KIAA2012: variants seen among roughly 807,000 people sequenced by gnomAD.
The protein encoded by KIAA2012 is uncharacterized protein KIAA2012.
KIAA2012 carries 125 observed loss-of-function variants against 150.6 expected under a neutral mutation model. The observed-to-expected ratio is 0.83, with a 90% confidence interval of 0.72 to 0.96. The LOEUF (loss-of-function observed/expected upper bound fraction) is 0.96, where lower values mean the gene tolerates loss of function less well. Among genes scored for constraint, KIAA2012 ranks in the 40% least tolerant of loss-of-function variants. KIAA2012 has a pLI of 0.00. For synonymous variants in KIAA2012, 462 were observed against 504.7 expected, an observed-to-expected ratio of 0.92 and a Z score of 1.13; for missense variants, 1,219 against 1,354.9, an observed-to-expected ratio of 0.90 and a Z score of 1.57.
intron 21 of KIAA2012, among the ~76,000 whole-genome samples, chr2:202,196,047 T>C (rs774914792): frequency 2.0e-5 from 3 of 152,044 alleles, no homozygotes; most frequent in Non-Finnish European, 4.4e-5. Flanking sequence ...ATATACCTAG[T>C]AGTGGGATTG....
intron 15 of KIAA2012, among the ~76,000 whole-genome samples, chr2:202,176,247 A>G (rs942050504): frequency 3.3e-5 from 5 of 151,984 alleles, no homozygotes; most frequent in Non-Finnish European, 7.4e-5. Context: ...TTGCCCAGAA[A>G]GTGCAATGGC....
intron 13 of KIAA2012, among the ~76,000 whole-genome samples, chr2:202,147,200 C>T (rs1691319533): frequency 6.6e-6 from 1 of 152,252 alleles, no homozygotes; most frequent in African/African-American, 2.4e-5. Context: ...ATCCCTCTCT[C>T]TGCCTCCCAA....
intron 15 of KIAA2012, among the ~76,000 whole-genome samples, chr2:202,171,205 G>GCACACACACA (rs10532177): frequency 6.7e-6 from 1 of 149,804 alleles, no homozygotes; most frequent in African/African-American, 2.5e-5. Flanking sequence ...AGACACACAT[G>GCACACACACA]CACACACACA....
chr2:202,141,766 C>T (rs563448884), intron 13 of KIAA2012, among the ~76,000 whole-genome samples: 5 of 152,288 alleles, frequency 3.3e-5, no homozygotes, highest in East Asian at 3.9e-4. Context: ...GCTCTTACCT[C>T]GGTGAGCTGC....
chr2:202,201,350 C>G, intron 22 of KIAA2012: 1 of 1,585,730 alleles, frequency 6.3e-7, no homozygotes, highest in East Asian at 2.2e-5. Flanking sequence ...TATGTGATGT[C>G]TTTCCCGGCA....
intron 14 of KIAA2012, among the ~76,000 whole-genome samples, chr2:202,155,918 C>G (rs1691517038): frequency 6.6e-6 from 1 of 152,144 alleles, no homozygotes; most frequent in Non-Finnish European, 1.5e-5. Context: ...TTCTATTTCC[C>G]AGGTCATTCC....
intron 15 of KIAA2012, among the ~76,000 whole-genome samples, chr2:202,182,107 T>TC (rs1692132392): frequency 2.0e-5 from 3 of 148,642 alleles, no homozygotes; most frequent in Non-Finnish European, 4.5e-5. Flanking sequence ...TTTTCTTTAT[T>TC]CTTTTTTTTT....
chr2:202,163,815 C>G (rs1691707236), intron 14 of KIAA2012, among the ~76,000 whole-genome samples: 1 of 109,378 alleles, frequency 9.1e-6, no homozygotes, highest in Admixed American at 1.2e-4. Flanking sequence ...TTTTCCTGTA[C>G]CAGGCCAAAT....
At chr2:202,091,895 G>A (rs780129164) in intron 3 of KIAA2012, among the ~76,000 whole-genome samples, 13 of 152,190 alleles carry the variant, frequency 8.5e-5, no homozygotes, top group Non-Finnish European at 1.5e-4. Flanking sequence ...CCCAATAAGT[G>A]GTGACTTGAA....
chr2:202,160,394 A>G (rs1050885750), intron 14 of KIAA2012, among the ~76,000 whole-genome samples: 4 of 148,672 alleles, frequency 2.7e-5, no homozygotes, highest in Non-Finnish European at 5.9e-5. Flanking sequence ...GCTCACTGCA[A>G]GCTCCACCTC....
intron 2 of KIAA2012, among the ~76,000 whole-genome samples, chr2:202,080,424 T>C (rs1689422254): frequency 6.6e-6 from 1 of 152,170 alleles, no homozygotes; most frequent in African/African-American, 2.4e-5. Flanking sequence ...CCGGGCACGA[T>C]GGCACACGCC....
Position 202,192,289 on chromosome 2 carries a change from T to C in KIAA2012, c.2812-1012T>C, listed in dbSNP as rs533155502. Among the ~76,000 whole-genome samples, 10 of 152,244 alleles carry C rather than the reference T, an allele frequency of 6.6e-5. No individual in the cohort carries two copies. In the East Asian group the frequency reaches 9.6e-4, roughly 15 times the overall value. On this transcript the variant is annotated intron_variant, in intron 19 of 23. Transcript: ENST00000498697. The stretch of plus-strand genomic sequence containing the variant: ...AGAAGGCTTGCCTCTCAAGGTTCCC[T>C]TCATAGGCATATTTCTGAGGAAGAG...
At chr2:202,187,153 G>A in intron 17 of KIAA2012, 55 bp downstream of exon 17, 1 of 1,529,548 alleles carries the variant, frequency 6.5e-7, no homozygotes, top group Middle Eastern at 1.7e-4. Flanking sequence ...ATCTCATCAA[G>A]GATACCATGC....
chr2:202,122,028 G>A (rs1325617007), intron 11 of KIAA2012, among the ~76,000 whole-genome samples: 1 of 152,180 alleles, frequency 6.6e-6, no homozygotes, highest in Non-Finnish European at 1.5e-5. Flanking sequence ...AAAGAGGAAC[G>A]TAGAGAACAC....
chr2:202,179,220 T>C lies in KIAA2012; in HGVS notation c.2120-5533T>C, dbSNP rs984913788. 1.8e-5 allele frequency: 12 copies of C among 664,188 alleles called. No homozygotes were observed. The African/African-American group carries it at 2.0e-4, about 11-fold the overall frequency. 41.1% of individuals were successfully genotyped at this position (664,188 alleles called of 1,614,324 possible). On this transcript the variant is annotated intron_variant, in intron 15 of 23. Transcript: ENST00000498697. ...ATCTGATTCAAATTGGTACAAATTT[T>C]CTAGGGAACAATTTGGCAGTAGGCA...
chr2:202,103,053 C>A lies in KIAA2012; in HGVS notation c.1263C>A (p.Ile421=). The part of the protein sequence containing the change: ...KANEPPTELF[I]LPVEIHYHTK... ...ATGAGCCCCCAACAGAGCTCTTCAT[C>A]TTACCGGTGGAGATTCATTACCACA... Residue 421 remains isoleucine, a synonymous_variant, in exon 8 of 24, where the codon ATC becomes ATA. Transcript: ENST00000498697. The A allele has an allele frequency of 6.4e-7, 1 of 1,550,596 alleles. No individual in the cohort carries two copies. The highest frequency in any genetic ancestry group is 8.7e-7 in the Non-Finnish European group (1 of 1,146,996).
intron 14 of KIAA2012, among the ~76,000 whole-genome samples, chr2:202,159,119 A>G (rs1691599132): frequency 6.6e-6 from 1 of 152,202 alleles, no homozygotes; most frequent in East Asian, 1.9e-4. Flanking sequence ...CATGCATCCC[A>G]CGAAGCAGAA....
chr2:202,168,764 G>A (rs970330139), intron 15 of KIAA2012, among the ~76,000 whole-genome samples: 3 of 152,174 alleles, frequency 2.0e-5, no homozygotes, highest in African/African-American at 7.2e-5. Flanking sequence ...AAGAGTCTTA[G>A]GAGGAGTGAG....
At chr2:202,190,521 G>A (rs1469548821) in intron 19 of KIAA2012, 28 bp downstream of exon 19, 5 of 1,452,624 alleles carry the variant, frequency 3.4e-6, no homozygotes, top group Non-Finnish European at 4.6e-6. Flanking sequence ...CAGCTTGACA[G>A]AGGAAGTTCT....
Sources: gnomAD v4.1 joint callset for allele counts (sites outside exome capture counted in the v4.1 genomes callset) on GRCh38, gnomAD v4.1.1 for gene constraint, MANE v1.5 for transcripts, NCBI Gene and HGNC (gene_info 2026-07-23, HGNC 2026-07-21) for gene names.